PHACTR1: variants seen among roughly 807,000 people sequenced by gnomAD.
The protein encoded by PHACTR1 is RPEL repeat containing 1.
PHACTR1 carries 16 observed loss-of-function variants against 69.2 expected under a neutral mutation model. That is an observed-to-expected ratio of 0.23 (90% CI 0.16 to 0.35). The LOEUF is 0.35. Among genes scored for constraint, PHACTR1 ranks in the 10% least tolerant of loss-of-function variants. The pLI is 1.00. For synonymous variants in PHACTR1, 312 were observed against 284.5 expected (o/e 1.10, Z -0.97); for missense variants, 510 against 734.7 (o/e 0.69, Z 3.54).
intron 7 of PHACTR1, among the ~76,000 whole-genome samples, chr6:13,183,358 G>A (rs954509034): frequency 2.1e-5 from 3 of 144,964 alleles, no homozygotes; most frequent in Non-Finnish European, 4.5e-5. Context: ...CTGGGAGAAG[G>A]AACCTCTTGC....
intron 4 of PHACTR1, among the ~76,000 whole-genome samples, chr6:12,752,549 C>G (rs1008534105): frequency 6.6e-6 from 1 of 152,180 alleles, no homozygotes; most frequent in Non-Finnish European, 1.5e-5. Flanking sequence ...TACATAAACC[C>G]ATGTTTGATA....
intron 4 of PHACTR1, among the ~76,000 whole-genome samples, chr6:13,045,262 A>C (rs1465782294): frequency 2.0e-5 from 3 of 152,194 alleles, no homozygotes; most frequent in Non-Finnish European, 4.4e-5. Flanking sequence ...CTCGCTCACA[A>C]GTTTAATTTG....
intron 11 of PHACTR1, chr6:13,273,175 G>A: frequency 2.2e-6 from 1 of 456,846 alleles, no homozygotes; most frequent in Non-Finnish European, 3.8e-6. Context: ...AAGTCAGAGA[G>A]AAGCTGAAAA....
chr6:12,875,111 G>T (rs1434318044), intron 4 of PHACTR1, among the ~76,000 whole-genome samples: 1 of 152,162 alleles, frequency 6.6e-6, no homozygotes, highest in East Asian at 1.9e-4. Flanking sequence ...ACATCAAATA[G>T]CTCTCAAAAG....
intron 4 of PHACTR1, among the ~76,000 whole-genome samples, chr6:13,013,104 C>T (rs147637050): frequency 6.6e-6 from 1 of 152,284 alleles, no homozygotes; most frequent in African/African-American, 2.4e-5. Context: ...TTTGGAAATC[C>T]TGGTAGATGT....
chr6:12,983,272 A>C (rs6901563), intron 4 of PHACTR1, among the ~76,000 whole-genome samples: 75,600 of 152,078 alleles, frequency 0.5, 21,288 homozygotes, highest in African/African-American at 0.77. Flanking sequence ...TAATACAGGG[A>C]AGAGTGAAGT....
chr6:13,071,128 T>C (rs1024212570), intron 5 of PHACTR1, among the ~76,000 whole-genome samples: 1 of 152,072 alleles, frequency 6.6e-6, no homozygotes, highest in Admixed American at 6.6e-5. Context: ...TGTCATCGCA[T>C]GAATGAAAGA....
intron 4 of PHACTR1, among the ~76,000 whole-genome samples, chr6:12,805,187 T>C (rs970216700): frequency 1.3e-5 from 2 of 152,216 alleles, no homozygotes; most frequent in Admixed American, 6.5e-5. Flanking sequence ...CATCTGTGCG[T>C]TGAAAATATC....
At chr6:13,081,378 T>C (rs1811350009) in intron 5 of PHACTR1, among the ~76,000 whole-genome samples, 1 of 152,174 alleles carries the variant, frequency 6.6e-6, no homozygotes, top group African/African-American at 2.4e-5. Flanking sequence ...AAATTTTATG[T>C]TTTCAGTTGC....
At chr6:12,856,410 C>G (rs941199832) in intron 4 of PHACTR1, among the ~76,000 whole-genome samples, 5 of 151,934 alleles carry the variant, frequency 3.3e-5, no homozygotes, top group African/African-American at 1.2e-4. Context: ...CCCGCCACCA[C>G]GCCAGGGTAA....
chr6:12,784,842 G>A (rs1771341039), intron 4 of PHACTR1, among the ~76,000 whole-genome samples: 1 of 151,868 alleles, frequency 6.6e-6, no homozygotes, highest in Non-Finnish European at 1.5e-5. Context: ...AGCCTCCTGA[G>A]TAGCTGGGAT....
intron 5 of PHACTR1, among the ~76,000 whole-genome samples, chr6:13,145,959 C>T (rs973263485): frequency 6.6e-6 from 1 of 152,130 alleles, no homozygotes; most frequent in Non-Finnish European, 1.5e-5. Flanking sequence ...TACACGAAAG[C>T]CTATCTGTAC....
intron 4 of PHACTR1, among the ~76,000 whole-genome samples, chr6:12,968,749 T>A (rs570906186): frequency 6.6e-6 from 1 of 152,318 alleles, no homozygotes; most frequent in South Asian, 2.1e-4. Context: ...ATTGTATAAT[T>A]GACACAAATG....
At chr6:12,889,280 CAAAT>C (rs1783938706) in intron 4 of PHACTR1, among the ~76,000 whole-genome samples, 1 of 152,090 alleles carries the variant, frequency 6.6e-6, no homozygotes, top group Admixed American at 6.5e-5. Flanking sequence ...CAAAAACACA[CAAAT>C]AAAATCAGTG....
chr6:12,979,684 C>T (rs935465622), intron 4 of PHACTR1, among the ~76,000 whole-genome samples: 1 of 151,122 alleles, frequency 6.6e-6, no homozygotes, highest in Admixed American at 6.6e-5. Flanking sequence ...TGCGGAGGAC[C>T]TCCAATGCAG....
chr6:12,756,083 A>G (rs1296380377), intron 4 of PHACTR1, among the ~76,000 whole-genome samples: 1 of 152,204 alleles, frequency 6.6e-6, no homozygotes, highest in Non-Finnish European at 1.5e-5. Flanking sequence ...AGATTCTAAC[A>G]CTAAAGCAAA....
At chr6:12,754,595 T>G (rs1767066490) in intron 4 of PHACTR1, among the ~76,000 whole-genome samples, 1 of 152,162 alleles carries the variant, frequency 6.6e-6, no homozygotes, top group South Asian at 2.1e-4. Context: ...ATAATCTCAT[T>G]ATGTCATGCA....
intron 5 of PHACTR1, among the ~76,000 whole-genome samples, chr6:13,133,197 TGGCCTC>T (rs1820750994): frequency 9.2e-6 from 1 of 108,906 alleles, no homozygotes; most frequent in Non-Finnish European, 1.9e-5. Flanking sequence ...AAAATCTATT[TGGCCTC>T]CCCCTCCCCC....
At position 13,283,382 on chromosome 6, in the gene PHACTR1, C is replaced by T; in HGVS notation, c.1510-40C>T. 1 of 1,608,662 alleles carries T rather than the reference C, an allele frequency of 6.2e-7. No individual in the cohort carries two copies. Among genetic ancestry groups the T allele is most frequent in the Middle Eastern group, 1.7e-4 (1 of 6,040 alleles). On this transcript the variant is annotated intron_variant, in intron 12 of 14. Coordinates refer to ENST00000332995, the MANE Select transcript of PHACTR1 (RefSeq NM_030948.6). The surrounding 1 kb of genome is among the most constrained non-coding windows in gnomAD (Gnocchi z 4.7). ...GACAGGACCAAGTGCCATGGTCAACCCTTCTGGCTGACTGGGTCCATCTCT... is the reference window on the plus strand; with the variant it reads ...GACAGGACCAAGTGCCATGGTCAACTCTTCTGGCTGACTGGGTCCATCTCT...
Sources: allele counts gnomAD v4.1 joint callset (sites outside exome capture counted in the v4.1 genomes callset), GRCh38; gene constraint gnomAD v4.1.1; non-coding constraint Gnocchi (gnomAD v3.1); transcripts MANE v1.5; gene names NCBI Gene and HGNC (gene_info 2026-07-23, HGNC 2026-07-21).